Variants in JADE3 observed in about 807,000 individuals in gnomAD.
JADE3 encodes the protein protein Jade-3.
Under a neutral mutation model 50.1 loss-of-function variants are expected in JADE3, and 2 were observed. The ratio of observed to expected loss-of-function variants is 0.04; its 90% CI spans 0.02 to 0.13. JADE3 has a LOEUF of 0.13. Among genes scored for constraint, JADE3 ranks in the 10% least tolerant of loss-of-function variants. The pLI is 1.00. For missense variants in JADE3, 475 were observed against 634.4 expected, an observed-to-expected ratio of 0.75 and a Z score of 2.70; for synonymous variants, 218 against 232.9, an observed-to-expected ratio of 0.94 and a Z score of 0.58.
intron 9 of JADE3, among the ~76,000 whole-genome samples, chrX:47,055,448 A>G (rs2146991458): frequency 8.9e-6 from 1 of 112,253 alleles, no homozygotes; most frequent in Admixed American, 9.5e-5. Context: ...ATTATTGCCA[A>G]CACTGTCCTA....
chrX:47,059,301 A>G lies in JADE3; in HGVS notation c.*224A>G, dbSNP rs981758567. ...TCCAGAGGTTGGTTTGTCAGAGGCT[A>G]TTGGGAACAGCTGGGCCCAGGGTAT... On this transcript the variant is annotated 3_prime_UTR_variant, in exon 11 of 11. Coordinates refer to ENST00000614628, the MANE Select transcript of JADE3 (RefSeq NM_014735.5). 11 of 367,004 alleles carry G rather than the reference A, an allele frequency of 3.0e-5. No homozygotes were observed. The highest frequency in any genetic ancestry group is 2.3e-4 in the African/African-American group (9 of 38,857). The allele number at this position is 367,004 out of a possible 1,213,427, so 30.2% of individuals were successfully genotyped here. A position where few individuals can be genotyped will look rare whatever the true frequency, so the allele number is the denominator to read the frequency against.
chrX:47,022,693 A>G (rs1442314916), intron 4 of JADE3, among the ~76,000 whole-genome samples: 1 of 111,546 alleles, frequency 9.0e-6, no homozygotes, highest in Non-Finnish European at 1.9e-5. Flanking sequence ...TTTTAGATGG[A>G]CCACCTTGTT....
chrX:47,052,477 C>G (rs1386159609), intron 8 of JADE3, among the ~76,000 whole-genome samples: 3 of 106,194 alleles, frequency 2.8e-5, no homozygotes, highest in Non-Finnish European at 5.8e-5. Context: ...ACCAAAAATA[C>G]AAAAAAATTA....
intron 1 of JADE3, among the ~76,000 whole-genome samples, chrX:46,974,082 GAAAACAAAAC>G (rs376681989): frequency 1.2e-4 from 13 of 106,925 alleles, no homozygotes; most frequent in African/African-American, 2.7e-4. Flanking sequence ...CTCCATCTCA[GAAAACAAAAC>G]AAAACAAAAC....
intron 1 of JADE3, among the ~76,000 whole-genome samples, chrX:46,948,851 A>G (rs782654176): frequency 4.9e-4 from 55 of 111,989 alleles, no homozygotes; most frequent in Non-Finnish European, 9.4e-4. Context: ...TGCTATCTTG[A>G]ATTCTGTCAC....
chrX:46,967,749 C>T (rs1004819398), intron 1 of JADE3, among the ~76,000 whole-genome samples: 1 of 112,213 alleles, frequency 8.9e-6, no homozygotes, highest in Non-Finnish European at 1.9e-5. Context: ...CTTTCTCACT[C>T]ATCATTGCTT....
intron 1 of JADE3, among the ~76,000 whole-genome samples, chrX:46,918,812 GCAAGCACCAGTGCA>G (rs1926161743): frequency 8.9e-6 from 1 of 112,150 alleles, no homozygotes; most frequent in Non-Finnish European, 1.9e-5. Flanking sequence ...GCAAGTGAGA[GCAAGCACCAGTGCA>G]CAAGCACTTT....
At chrX:47,017,830 C>T (rs1928708138) in intron 4 of JADE3, among the ~76,000 whole-genome samples, 1 of 111,792 alleles carries the variant, frequency 8.9e-6, no homozygotes, top group Non-Finnish European at 1.9e-5. Flanking sequence ...CTCAAATATA[C>T]AACTGTCAAT....
At chrX:46,969,407 C>T (rs1486055738) in intron 1 of JADE3, among the ~76,000 whole-genome samples, 1 of 110,480 alleles carries the variant, frequency 9.1e-6, no homozygotes, top group Non-Finnish European at 1.9e-5. Context: ...CAGAGTGAGA[C>T]TCTGTCTCAA....
intron 1 of JADE3, among the ~76,000 whole-genome samples, chrX:46,931,762 T>C (rs1556339969): frequency 1.8e-5 from 2 of 112,148 alleles, no homozygotes; most frequent in African/African-American, 3.2e-5. Flanking sequence ...ATCAAAGCAA[T>C]TATGCTGAAG....
rs782187906 is a variant in JADE3 at position 46,931,734 on chromosome X, T to G, written c.-12+19015T>G. On this transcript the variant is annotated intron_variant, in intron 1 of 10. Transcript: ENST00000614628. ...CCACTACGCCCAGCCTATATAAATT[T>G]TTTTAAATTAAAGCGTAATCAAAGC... is the stretch of plus-strand genomic sequence containing the variant. Among the ~76,000 whole-genome samples, 10 of 112,373 alleles carry G rather than the reference T, an allele frequency of 8.9e-5. No individual in the cohort carries two copies. The South Asian group carries it at 3.7e-3, about 41-fold the overall frequency.
intron 9 of JADE3, among the ~76,000 whole-genome samples, chrX:47,055,472 TATTA>T (rs1602426144): frequency 8.9e-6 from 1 of 112,303 alleles, no homozygotes; most frequent in South Asian, 3.7e-4. Context: ...ATTTTATAAA[TATTA>T]ATTCATTTAA....
intron 7 of JADE3, among the ~76,000 whole-genome samples, chrX:47,034,232 A>G (rs1010010599): frequency 9.0e-6 from 1 of 111,050 alleles, no homozygotes; most frequent in Non-Finnish European, 1.9e-5. Flanking sequence ...ACCACAACTC[A>G]GACCAAGACA....
intron 8 of JADE3, among the ~76,000 whole-genome samples, chrX:47,045,195 A>G (rs888874020): frequency 4.5e-5 from 5 of 112,059 alleles, no homozygotes; most frequent in East Asian, 2.8e-4. Context: ...ATGCTTCACT[A>G]TACATACACA....
In JADE3 at chrX:46,965,815, A is replaced by C. The variant is rs143844857; in HGVS notation, c.-11-19069A>C. ...AGAAGTAGACATGGCTTGATTGTGG[A>C]GGGCTGTGTTGGCCTTGATGAGGAC... On this transcript the variant is annotated intron_variant, in intron 1 of 10. Coordinates refer to ENST00000614628, the MANE Select transcript of JADE3 (RefSeq NM_014735.5). Among the ~76,000 whole-genome samples the C allele has an allele frequency of 5.6e-3, 622 of 111,563 alleles. 2 individuals are homozygous for C. The highest frequency in any genetic ancestry group is 9.2e-3 in the Non-Finnish European group (488 of 53,104).
In JADE3 at chrX:47,034,991, A is replaced by AT. The variant is rs781849481; in HGVS notation, c.855+1209dup. ...AAAGACCTTCTTTACTCAAAATTCAATTTTTTATCATTATCTAGCCTGGTC... is the reference window on the plus strand; with the variant it reads ...AAAGACCTTCTTTACTCAAAATTCAATTTTTTTATCATTATCTAGCCTGGTC... On this transcript the variant is annotated intron_variant, in intron 7 of 10. Coordinates refer to ENST00000614628, the MANE Select transcript of JADE3 (RefSeq NM_014735.5). Among the ~76,000 whole-genome samples the AT allele has an allele frequency of 6.3e-5, 7 of 110,662 alleles. No homozygotes were observed. In the East Asian group the frequency reaches 2.0e-3, roughly 31 times the overall value.
At chrX:47,017,571 CATACAA>C in intron 4 of JADE3, among the ~76,000 whole-genome samples, 1 of 111,545 alleles carries the variant, frequency 9.0e-6, no homozygotes, top group East Asian at 2.8e-4. Context: ...GATGAACTAT[CATACAA>C]ATAAAAACAA....
At chrX:47,055,642 T>C (rs190118534) in intron 9 of JADE3, among the ~76,000 whole-genome samples, 88 of 111,644 alleles carry the variant, frequency 7.9e-4, no homozygotes, top group African/African-American at 2.7e-3. Flanking sequence ...GAGCTGAAAG[T>C]GTGAGCAAAA....
chrX:47,058,616 G>A lies in JADE3; in HGVS notation c.2011G>A (p.Gly671Ser), dbSNP rs1556374033. 1 of 1,211,422 alleles carries A rather than the reference G, an allele frequency of 8.3e-7. No homozygotes were observed. Among genetic ancestry groups the A allele is most frequent in the East Asian group, 3.0e-5 (1 of 33,839 alleles). Residue 671 changes from glycine to serine, a missense_variant, in exon 11 of 11, where the codon GGC becomes AGC. By Grantham distance (56) the Gly-to-Ser change is moderately conservative. Transcript: ENST00000614628. ...GTTTGCCAAATCCAATGGCCTGGAG[G>A]GCAGCTGGTCTGGGAATGTCACCCA... ...SKFAKSNGLE[G>S]SWSGNVTQKD...
Sources: gnomAD v4.1 joint callset for allele counts (sites outside exome capture counted in the v4.1 genomes callset) on GRCh38, gnomAD v4.1.1 for gene constraint, MANE v1.5 for transcripts, NCBI Gene and HGNC (gene_info 2026-07-23, HGNC 2026-07-21) for gene names.